The following PHACTR1 variants were observed in gnomAD, a reference collection of about 807,000 sequenced individuals.
PHACTR1 encodes the protein RPEL repeat containing 1.
Under a neutral mutation model 69.2 loss-of-function variants are expected in PHACTR1, and 16 were observed. That is an observed-to-expected ratio of 0.23 (90% confidence interval 0.16 to 0.35). The LOEUF (loss-of-function observed/expected upper bound fraction) is 0.35. Ranked by LOEUF, PHACTR1 falls within the 10% of genes least tolerant of loss-of-function variation. PHACTR1 has a pLI of 1.00. For synonymous variants in PHACTR1, 312 were observed against 284.5 expected (o/e 1.10, Z -0.97); for missense variants, 510 against 734.7 (o/e 0.69, Z 3.54).
At chr6:13,185,870 C>G (rs777195507) in intron 7 of PHACTR1, among the ~76,000 whole-genome samples, 1 of 152,098 alleles carries the variant, frequency 6.6e-6, no homozygotes, top group Non-Finnish European at 1.5e-5. Context: ...AAATATTCAC[C>G]TATCTTATAG....
At chr6:13,214,914 T>C (rs946597444) in intron 8 of PHACTR1, among the ~76,000 whole-genome samples, 10 of 152,174 alleles carry the variant, frequency 6.6e-5, no homozygotes, top group African/African-American at 2.4e-4. Context: ...ACCATACATT[T>C]AGTTCTGATG....
chr6:13,208,976 C>A (rs1362505168), intron 8 of PHACTR1, among the ~76,000 whole-genome samples: 10 of 152,106 alleles, frequency 6.6e-5, no homozygotes, highest in African/African-American at 2.4e-4. Context: ...CCTTCTTTCT[C>A]CCTCACTTCC....
intron 5 of PHACTR1, among the ~76,000 whole-genome samples, chr6:13,092,519 C>CA (rs1051895237): frequency 1.3e-5 from 2 of 152,160 alleles, no homozygotes; most frequent in African/African-American, 4.8e-5. Flanking sequence ...GGACTGGGGA[C>CA]AGCAGGTGGC....
At chr6:12,857,272 T>C (rs1780476652) in intron 4 of PHACTR1, among the ~76,000 whole-genome samples, 1 of 152,136 alleles carries the variant, frequency 6.6e-6, no homozygotes, top group South Asian at 2.1e-4. Context: ...GATCTAAAAT[T>C]TACACTTAAA....
intron 13 of PHACTR1, among the ~76,000 whole-genome samples, chr6:13,284,782 G>A (rs2127495221): frequency 6.6e-6 from 1 of 152,150 alleles, no homozygotes; most frequent in South Asian, 2.1e-4. Flanking sequence ...GATCCAGGAG[G>A]TGCAGGAAAC....
chr6:12,737,135 A>C (rs915074578), intron 3 of PHACTR1, among the ~76,000 whole-genome samples: 2 of 152,176 alleles, frequency 1.3e-5, no homozygotes, highest in Non-Finnish European at 2.9e-5. Context: ...GTGTACTTAC[A>C]CAAACCTAGA....
At chr6:12,782,408 A>G (rs2127645696) in intron 4 of PHACTR1, among the ~76,000 whole-genome samples, 1 of 152,318 alleles carries the variant, frequency 6.6e-6, no homozygotes, top group South Asian at 2.1e-4. Context: ...GTATAATGTC[A>G]GGCCATAAGG....
Position 12,942,071 on chromosome 6 carries a change from C to A in PHACTR1, c.251-111294C>A, listed in dbSNP as rs182150577. On this transcript the variant is annotated intron_variant, in intron 4 of 14. Transcript: ENST00000332995. ...CAGAGTGGGATTAAAGGAAAAGTAC[C>A]CATAAGAAAATCTCTGCCTACATTC... Among the ~76,000 whole-genome samples the A allele has an allele frequency of 2.2e-4, 34 of 152,198 alleles. No individual in the cohort carries two copies. In the East Asian group the frequency reaches 5.8e-3, roughly 26 times the overall value.
intron 5 of PHACTR1, among the ~76,000 whole-genome samples, chr6:13,097,345 C>T (rs1187182265): frequency 6.6e-6 from 1 of 152,074 alleles, no homozygotes; most frequent in African/African-American, 2.4e-5. Flanking sequence ...GCCTCCTGCC[C>T]CCACCCCTCT....
At chr6:13,206,200 G>T in intron 8 of PHACTR1, 64 bp downstream of exon 8, 1 of 1,428,464 alleles carries the variant, frequency 7.0e-7, no homozygotes, top group South Asian at 1.4e-5. Context: ...GGGGCCTAGG[G>T]ATTTGGACCA....
chr6:12,891,505 A>T (rs115048495), intron 4 of PHACTR1, among the ~76,000 whole-genome samples: 1 of 152,198 alleles, frequency 6.6e-6, no homozygotes, highest in Non-Finnish European at 1.5e-5. Context: ...TGAAGATGCT[A>T]TGTGACTCAA....
chr6:13,043,508 A>G (rs1804530159), intron 4 of PHACTR1, among the ~76,000 whole-genome samples: 1 of 152,210 alleles, frequency 6.6e-6, no homozygotes, highest in African/African-American at 2.4e-5. Context: ...TTAACAAGCT[A>G]TGGCCATGCA....
rs1220047460 is a variant in PHACTR1 at position 13,118,470 on chromosome 6, C to CA, written c.416-41733dup. On this transcript the variant is annotated intron_variant, in intron 5 of 14. Transcript: ENST00000332995. ...GCTCTGAAGCTTGCCCAACCAGGGC[C>CA]ATTTTTTTTTTTTTTTTTTTTTTTT... is the stretch of plus-strand genomic sequence containing the variant. Among the ~76,000 whole-genome samples, 432 of 124,822 alleles carry CA rather than the reference C, an allele frequency of 3.5e-3. 3 individuals carry two copies. Among genetic ancestry groups the CA allele is most frequent in the African/African-American group, 0.012 (402 of 34,504 alleles). 81.9% of individuals were successfully genotyped at this position (124,822 alleles called of 152,430 possible).
chr6:12,841,505 T>C (rs1050732315), intron 4 of PHACTR1, among the ~76,000 whole-genome samples: 1 of 152,210 alleles, frequency 6.6e-6, no homozygotes, highest in Non-Finnish European at 1.5e-5. Context: ...TACAAATGAA[T>C]TGAGCATCAG....
Position 12,877,945 on chromosome 6 carries a change from C to T in PHACTR1, c.250+128155C>T, listed in dbSNP as rs1258398474. ...TCCTCAGATGAAGATGATCAGAGTC[C>T]CCCTCTCACAGTGGGGAAGATCAAA... is the stretch of plus-strand genomic sequence containing the variant. On this transcript the variant is annotated intron_variant, in intron 4 of 14. Coordinates refer to ENST00000332995, the MANE Select transcript of PHACTR1 (RefSeq NM_030948.6). Among the ~76,000 whole-genome samples, 2 of 152,224 alleles carry T rather than the reference C, an allele frequency of 1.3e-5. 1 individual carries two copies. Among genetic ancestry groups the T allele is most frequent in the South Asian group, 4.1e-4 (2 of 4,826 alleles).
intron 8 of PHACTR1, among the ~76,000 whole-genome samples, chr6:13,220,059 G>A (rs1195037332): frequency 6.6e-6 from 1 of 152,132 alleles, no homozygotes; most frequent in African/African-American, 2.4e-5. Flanking sequence ...AAGTTTTTGT[G>A]GTGATTAAAT....
chr6:13,049,880 A>G (rs1195736517), intron 4 of PHACTR1, among the ~76,000 whole-genome samples: 1 of 152,254 alleles, frequency 6.6e-6, no homozygotes, highest in African/African-American at 2.4e-5. Flanking sequence ...ACAGGCTTCT[A>G]GTAAAAGTAT....
intron 4 of PHACTR1, among the ~76,000 whole-genome samples, chr6:12,974,842 C>T (rs981533949): frequency 6.6e-6 from 1 of 152,100 alleles, no homozygotes; most frequent in Admixed American, 6.5e-5. Context: ...AGAAGAAAGT[C>T]AGTAAAAGGT....
At chr6:12,902,229 C>G (rs189555166) in intron 4 of PHACTR1, among the ~76,000 whole-genome samples, 65 of 152,242 alleles carry the variant, frequency 4.3e-4, no homozygotes, top group Non-Finnish European at 5.4e-4. Flanking sequence ...TCGAGACCAG[C>G]CTGGCCAAAA....
Sources: allele counts gnomAD v4.1 joint callset (sites outside exome capture counted in the v4.1 genomes callset), GRCh38; gene constraint gnomAD v4.1.1; transcripts MANE v1.5; gene names NCBI Gene and HGNC (gene_info 2026-07-23, HGNC 2026-07-21).